FAM167A: variants seen among roughly 807,000 people sequenced by gnomAD.
FAM167A encodes family with sequence similarity 167 member A.
A neutral mutation model predicts 14.9 loss-of-function variants in FAM167A; 23 were observed. The observed-to-expected ratio is 1.55, with a 90% confidence interval of 1.11 to 2.19. The LOEUF is 2.19. Among genes scored for constraint, FAM167A ranks in the 30% most tolerant of loss-of-function variants. The pLI, the probability that FAM167A is intolerant of heterozygous loss-of-function variation, is 0.00. For synonymous variants in FAM167A, 174 were observed against 117.7 expected (o/e 1.48, Z -3.10); for missense variants, 401 against 281.5 (o/e 1.42, Z -3.04).
chr8:11,435,179 G>A, intron 2 of FAM167A: 6 of 455,240 alleles, frequency 1.3e-5, no homozygotes, highest in South Asian at 7.8e-5. Context: ...CCACAGGGCA[G>A]CCACACTGAG....
chr8:11,454,733 A>T (rs111875776), intron 1 of FAM167A, among the ~76,000 whole-genome samples: 9 of 152,298 alleles, frequency 5.9e-5, no homozygotes, highest in Non-Finnish European at 1.2e-4. Context: ...TAGGGAGGCG[A>T]GCCTGGGGTG....
intron 1 of FAM167A, chr8:11,445,036 G>A (rs546600709): frequency 4.3e-5 from 35 of 814,978 alleles, no homozygotes; most frequent in Middle Eastern, 6.2e-4. Context: ...ATATAAAAAC[G>A]ACTCCGCCTC....
Position 11,421,723 on chromosome 8 carries a change from G to T in FAM167A, c.*2650C>A, listed in dbSNP as rs1047483521. The T allele has an allele frequency of 7.5e-6, 3 of 398,958 alleles. 1 individual carries two copies. Among genetic ancestry groups the T allele is most frequent in the Admixed American group, 8.8e-5 (2 of 22,712 alleles). 24.7% of individuals were successfully genotyped at this position (398,958 alleles called of 1,614,324 possible). A position where few individuals can be genotyped will look rare whatever the true frequency, so the allele number is the denominator to read the frequency against. On this transcript the variant is annotated 3_prime_UTR_variant, in exon 3 of 3. Transcript: ENST00000284486. ...CATCAAGACATGACCACGCATGGCAGTGTCGGTGGAGAGTTTGCGTTTTAC... is the reference window on the plus strand; with the variant it reads ...CATCAAGACATGACCACGCATGGCATTGTCGGTGGAGAGTTTGCGTTTTAC...
chr8:11,447,864 C>T (rs1806854166), intron 1 of FAM167A, among the ~76,000 whole-genome samples: 1 of 152,206 alleles, frequency 6.6e-6, no homozygotes, highest in Non-Finnish European at 1.5e-5. Flanking sequence ...TCACAAGGCT[C>T]AGTATGAAAC....
At chr8:11,429,590 C>T (rs577509524) in intron 2 of FAM167A, among the ~76,000 whole-genome samples, 1 of 152,374 alleles carries the variant, frequency 6.6e-6, no homozygotes, top group East Asian at 1.9e-4. Context: ...TACAAGGAAA[C>T]TGTCTCAGAG....
intron 2 of FAM167A, among the ~76,000 whole-genome samples, chr8:11,428,298 G>A (rs182115831): frequency 7.9e-5 from 12 of 152,328 alleles, no homozygotes; most frequent in Admixed American, 3.3e-4. Flanking sequence ...GACAGATCTG[G>A]TCAAAGGTCA....
chr8:11,449,570 C>T (rs1349661288), intron 1 of FAM167A, among the ~76,000 whole-genome samples: 2 of 152,204 alleles, frequency 1.3e-5, no homozygotes, highest in East Asian at 1.9e-4. Flanking sequence ...AGCCAAAGGA[C>T]GCTGCCAGAC....
At position 11,423,308 on chromosome 8, in the gene FAM167A, C is replaced by T. The variant is rs966107102; in HGVS notation, c.*1065G>A. The stretch of plus-strand genomic sequence containing the variant: ...AGGGAGAAACTCTTAAAATCAAATC[C>T]TACGCACTGTAGTTGACCTACACAA... On this transcript the variant is annotated 3_prime_UTR_variant, in exon 3 of 3. Transcript: ENST00000284486. The T allele has an allele frequency of 5.2e-5, 8 of 152,464 alleles. No individual in the cohort carries two copies. Among genetic ancestry groups the T allele is most frequent in the South Asian group, 2.1e-4 (1 of 4,818 alleles). 9.4% of individuals were successfully genotyped at this position (152,464 alleles called of 1,614,324 possible).
intron 2 of FAM167A, among the ~76,000 whole-genome samples, chr8:11,426,704 G>C (rs916844235): frequency 2.0e-5 from 3 of 152,190 alleles, no homozygotes; most frequent in Non-Finnish European, 4.4e-5. Context: ...AGGTAGATAA[G>C]AGACAAACGA....
intron 1 of FAM167A, among the ~76,000 whole-genome samples, chr8:11,464,799 G>A (rs1807687873): frequency 6.6e-6 from 1 of 152,240 alleles, no homozygotes; most frequent in South Asian, 2.1e-4. Context: ...ACAGCAGCCA[G>A]GGTGTGAGAA....
chr8:11,449,010 G>C (rs1322574389), intron 1 of FAM167A, among the ~76,000 whole-genome samples: 1 of 152,244 alleles, frequency 6.6e-6, no homozygotes, highest in African/African-American at 2.4e-5. Flanking sequence ...CTGAGTTGGG[G>C]AGTCACTATT....
chr8:11,437,959 A>T (rs1485299547), intron 2 of FAM167A: 1 of 307,698 alleles, frequency 3.2e-6, no homozygotes, highest in African/African-American at 2.2e-5. Context: ...AGATCATCTC[A>T]GAACTCAACT....
Position 11,444,147 on chromosome 8 carries a change from C to G in FAM167A, c.265G>C (p.Gly89Arg). The change falls in exon 2 of 3, where the codon GGG becomes CGG. Residue 89 changes from glycine to arginine, a missense_variant. By Grantham distance (125) the Gly-to-Arg change is moderately radical. Coordinates refer to ENST00000284486, the MANE Select transcript of FAM167A (RefSeq NM_053279.3). ...CTCCTGGCAGAAGGGGGGTGCTGCC[C>G]AGCCTCTCTCAGGGGGAGCAAGGGC... is the stretch of plus-strand genomic sequence containing the variant. ...QEPLLPLREAGQHPPSARSAS... is the reference protein window; with the variant it reads ...QEPLLPLREARQHPPSARSAS... 1 of 1,613,190 alleles carries G rather than the reference C, an allele frequency of 6.2e-7. No homozygotes were observed. Among genetic ancestry groups the G allele is most frequent in the Non-Finnish European group, 8.5e-7 (1 of 1,179,890 alleles).
At chr8:11,444,980 G>A (rs979037161) in intron 1 of FAM167A, 172 bp from the exon 2 acceptor site, 1 of 645,364 alleles carries the variant, frequency 1.5e-6, no homozygotes, top group Admixed American at 6.4e-5. Context: ...ATTCAATGCA[G>A]AGAAGTTAAT....
chr8:11,422,373 G>T lies in FAM167A; in HGVS notation c.*2000C>A, dbSNP rs7007405. On this transcript the variant is annotated 3_prime_UTR_variant, in exon 3 of 3. Transcript: ENST00000284486. ...TCTCTGTCGTGTGTGTGTGTGTGGGGGTGTGTGTGTGTGTGTGTGTGTGTG... is the reference window on the plus strand; with the variant it reads ...TCTCTGTCGTGTGTGTGTGTGTGGGTGTGTGTGTGTGTGTGTGTGTGTGTG... The T allele has an allele frequency of 0.026, 3,133 of 120,344 alleles. 126 individuals are homozygous for T. The highest frequency in any genetic ancestry group is 0.064 in the African/African-American group (1,941 of 30,470). The allele number at this position is 120,344 out of a possible 1,614,324, so 7.5% of individuals were successfully genotyped here.
intron 1 of FAM167A, among the ~76,000 whole-genome samples, chr8:11,452,144 T>G (rs967926804): frequency 6.6e-6 from 1 of 152,024 alleles, no homozygotes; most frequent in Admixed American, 6.6e-5. Context: ...AACCACAGGG[T>G]GGATGGTCAC....
At chr8:11,455,769 T>C (rs796445891) in intron 1 of FAM167A, among the ~76,000 whole-genome samples, 1 of 18,208 alleles carries the variant, frequency 5.5e-5, no homozygotes, top group South Asian at 1.5e-3. Context: ...TGTGAGTGTA[T>C]TGGGGGTGGT....
At chr8:11,438,637 A>C in intron 2 of FAM167A, 1 of 405,094 alleles carries the variant, frequency 2.5e-6, no homozygotes, top group Non-Finnish European at 4.8e-6. Context: ...CTCAGAAATA[A>C]AGATCATCAA....
intron 1 of FAM167A, among the ~76,000 whole-genome samples, chr8:11,448,617 C>G (rs1390806824): frequency 1.3e-5 from 2 of 152,244 alleles, no homozygotes; most frequent in Non-Finnish European, 2.9e-5. Context: ...GATCCCACCT[C>G]CCCCAGATTT....
Sources: allele counts gnomAD v4.1 joint callset (sites outside exome capture counted in the v4.1 genomes callset), GRCh38; gene constraint gnomAD v4.1.1; transcripts MANE v1.5; gene names NCBI Gene and HGNC (gene_info 2026-07-23, HGNC 2026-07-21).